Variants in SRGAP1 observed in about 807,000 individuals in gnomAD.
SRGAP1 encodes the protein SLIT-ROBO Rho GTPase-activating protein 1.
SRGAP1 carries 43 observed loss-of-function variants against 121.9 expected under a neutral mutation model. That is an observed-to-expected ratio of 0.35 (90% confidence interval 0.28 to 0.46). The LOEUF is 0.46. Ranked by LOEUF, SRGAP1 falls within the 20% of genes least tolerant of loss-of-function variation. The pLI is 1.00. For missense variants in SRGAP1, 1,102 were observed against 1,350.9 expected (o/e 0.82, Z 2.89); for synonymous variants, 447 against 485.4 (o/e 0.92, Z 1.04).
rs1337230706 is a variant in SRGAP1 at position 64,161,787 on chromosome 12, T to A, written c.*19115T>A. ...ATTGTCATAGCAGTATTATCCATAA[T>A]AGCCAAATGATAGAAGCAATGCAAA... On this transcript the variant is annotated 3_prime_UTR_variant, in exon 22 of 22. Coordinates refer to ENST00000355086, the MANE Select transcript of SRGAP1 (RefSeq NM_020762.4). The A allele has an allele frequency of 6.6e-6, 1 of 152,180 alleles. No homozygotes were observed. The highest frequency in any genetic ancestry group is 6.5e-5 in the Admixed American group (1 of 15,276). The allele number at this position is 152,180 out of a possible 1,614,324, so 9.4% of individuals were successfully genotyped here.
In SRGAP1 at chr12:64,146,574, G is replaced by A. The variant is rs2136659928; in HGVS notation, c.*3902G>A. On this transcript the variant is annotated 3_prime_UTR_variant, in exon 22 of 22. Transcript: ENST00000355086. Reference sequence around the variant, plus strand: ...CGGGGGTTAGAGGATTCAAATTTGGGATGATGCTCATTGATTCCTGACCAT... The same window carrying A: ...CGGGGGTTAGAGGATTCAAATTTGGAATGATGCTCATTGATTCCTGACCAT... The A allele has an allele frequency of 6.6e-6, 1 of 152,272 alleles. No individual in the cohort carries two copies. Among genetic ancestry groups the A allele is most frequent in the Middle Eastern group, 3.4e-3 (1 of 294 alleles). The allele number at this position is 152,272 out of a possible 1,614,324, so 9.4% of individuals were successfully genotyped here. A position where few individuals can be genotyped will look rare whatever the true frequency, so the allele number is the denominator to read the frequency against.
intron 1 of SRGAP1, among the ~76,000 whole-genome samples, chr12:63,922,858 C>A (rs2031117609): frequency 6.6e-6 from 1 of 152,202 alleles, no homozygotes; most frequent in Non-Finnish European, 1.5e-5. Context: ...AATGAAAGAT[C>A]CAACTTGTGG....
chr12:64,091,010 A>G (rs1193969411), intron 11 of SRGAP1, among the ~76,000 whole-genome samples: 2 of 152,238 alleles, frequency 1.3e-5, no homozygotes, highest in Non-Finnish European at 2.9e-5. Context: ...TCTACTTGGT[A>G]GTGCTTATTT....
chr12:63,994,122 G>A (rs774803758), intron 3 of SRGAP1, among the ~76,000 whole-genome samples: 5 of 152,158 alleles, frequency 3.3e-5, no homozygotes, highest in Admixed American at 6.6e-5. Context: ...ACTCCAGATA[G>A]TCGTTTAGAG....
intron 1 of SRGAP1, among the ~76,000 whole-genome samples, chr12:63,936,044 C>G (rs188936250): frequency 1.3e-5 from 2 of 152,130 alleles, no homozygotes; most frequent in African/African-American, 4.8e-5. Context: ...GTAGGAGTAA[C>G]TTTTATTTTC....
chr12:63,894,556 T>C (rs2136299893), intron 1 of SRGAP1, among the ~76,000 whole-genome samples: 1 of 152,146 alleles, frequency 6.6e-6, no homozygotes, highest in East Asian at 1.9e-4. Flanking sequence ...ATGTGCCATG[T>C]TGGTGTGCTG....
chr12:63,958,795 A>T (rs1379569204), intron 1 of SRGAP1, among the ~76,000 whole-genome samples: 1 of 152,224 alleles, frequency 6.6e-6, no homozygotes, highest in East Asian at 1.9e-4. Context: ...AAGCCTTGTC[A>T]ACGGAAGGCT....
chr12:63,980,163 G>T (rs956061494), intron 1 of SRGAP1, among the ~76,000 whole-genome samples: 1 of 152,144 alleles, frequency 6.6e-6, no homozygotes, highest in Non-Finnish European at 1.5e-5. Flanking sequence ...AGCGATCCTT[G>T]CACCTCAGCC....
chr12:63,883,807 T>C (rs1202593664), intron 1 of SRGAP1, among the ~76,000 whole-genome samples: 3 of 151,438 alleles, frequency 2.0e-5, no homozygotes, highest in African/African-American at 4.8e-5. Flanking sequence ...TACAGGCGCC[T>C]GCCGCCACAC....
intron 8 of SRGAP1, among the ~76,000 whole-genome samples, chr12:64,076,864 G>A (rs188876175): frequency 0.012 from 1,886 of 152,036 alleles, 32 homozygotes; most frequent in African/African-American, 0.04. Context: ...GGCTGGTCTC[G>A]AACTCCTGAC....
intron 8 of SRGAP1, among the ~76,000 whole-genome samples, chr12:64,073,879 T>G (rs2035687556): frequency 6.6e-6 from 1 of 152,032 alleles, no homozygotes; most frequent in Non-Finnish European, 1.5e-5. Flanking sequence ...TTTTGTGTTT[T>G]TTTGTTTGTT....
intron 1 of SRGAP1, among the ~76,000 whole-genome samples, chr12:63,953,506 G>A (rs932874783): frequency 2.9e-4 from 43 of 150,214 alleles, no homozygotes; most frequent in Non-Finnish European, 5.5e-4. Flanking sequence ...AGGCTCAAGC[G>A]ATCCTTCCAC....
In SRGAP1 at chr12:64,148,930, A is replaced by G. The variant is rs2037090425; in HGVS notation, c.*6258A>G. 6.6e-6 allele frequency: 1 copy of G among 152,168 alleles called. No homozygotes were observed. Among genetic ancestry groups the G allele is most frequent in the Non-Finnish European group, 1.5e-5 (1 of 68,030 alleles). 9.4% of individuals were successfully genotyped at this position (152,168 alleles called of 1,614,324 possible). ...ACACCATGGTGTAGTTTTGCCTGTC[A>G]TCTTAGCTTTCTATAAATGGGTTCA... On this transcript the variant is annotated 3_prime_UTR_variant, in exon 22 of 22. Transcript: ENST00000355086.
intron 10 of SRGAP1, 118 bp downstream of exon 10, chr12:64,080,488 T>C: frequency 1.1e-6 from 1 of 914,594 alleles, no homozygotes. Context: ...CACTCTGTGT[T>C]TAGATTTGGT....
chr12:64,124,613 G>T (rs1187223360), intron 18 of SRGAP1, among the ~76,000 whole-genome samples: 2 of 152,182 alleles, frequency 1.3e-5, no homozygotes, highest in African/African-American at 4.8e-5. Context: ...GGGGAGCAAA[G>T]ATCATAAGGC....
intron 1 of SRGAP1, among the ~76,000 whole-genome samples, chr12:63,892,886 A>T (rs1003950742): frequency 6.5e-5 from 8 of 122,252 alleles, no homozygotes; most frequent in Non-Finnish European, 8.7e-5. Context: ...CTACTGTGCT[A>T]AAAAAAAAAT....
chr12:64,002,425 T>C (rs549098290), intron 3 of SRGAP1, among the ~76,000 whole-genome samples: 5 of 152,170 alleles, frequency 3.3e-5, no homozygotes, highest in Non-Finnish European at 7.4e-5. Context: ...GACACAGTCA[T>C]AAGGAGTGTT....
At chr12:64,038,968 A>G (rs1390758852) in intron 4 of SRGAP1, 1 of 152,206 alleles carries the variant, frequency 6.6e-6, no homozygotes, top group African/African-American at 2.4e-5. Context: ...ATGCACCTGT[A>G]AAAAATAAAA....
At chr12:64,122,781 C>G (rs540182294) in intron 18 of SRGAP1, among the ~76,000 whole-genome samples, 114 of 152,120 alleles carry the variant, frequency 7.5e-4, no homozygotes, top group African/African-American at 2.6e-3. Context: ...GCCTGCAGTC[C>G]CGGCTACTCG....
Sources: gnomAD v4.1 joint callset for allele counts (sites outside exome capture counted in the v4.1 genomes callset) on GRCh38, gnomAD v4.1.1 for gene constraint, MANE v1.5 for transcripts, NCBI Gene and HGNC (gene_info 2026-07-23, HGNC 2026-07-21) for gene names.